BBS2: variants seen among roughly 807,000 people sequenced by gnomAD.
BBS2 encodes the protein BBSome complex member BBS2.
A neutral mutation model predicts 83.0 loss-of-function variants in BBS2; 62 were observed. That is an observed-to-expected ratio of 0.75 (90% confidence interval 0.61 to 0.92). The LOEUF (loss-of-function observed/expected upper bound fraction) is 0.92. Ranked by LOEUF, BBS2 falls within the 40% of genes least tolerant of loss-of-function variation. BBS2 has a pLI of 0.00. For synonymous variants in BBS2, 303 were observed against 326.1 expected, an observed-to-expected ratio of 0.93 and a Z score of 0.76; for missense variants, 784 against 901.0, an observed-to-expected ratio of 0.87 and a Z score of 1.66.
In BBS2 at chr16:56,514,697, TA is replaced by T; in HGVS notation, c.118-18del. The T allele has an allele frequency of 6.4e-7, 1 of 1,561,260 alleles. No homozygotes were observed. The highest frequency in any genetic ancestry group is 8.8e-7 in the Non-Finnish European group (1 of 1,133,470). Reference sequence around the variant, plus strand: ...AATAAAAACCTGAAACAAAAATAACTAATTACATTCCCTTAAAATATAAAAA... The same window carrying T: ...AATAAAAACCTGAAACAAAAATAACTATTACATTCCCTTAAAATATAAAAA... On this transcript the variant is annotated intron_variant, in intron 1 of 16. Transcript: ENST00000245157.
At chr16:56,498,325 A>G in intron 13 of BBS2, 112 bp downstream of exon 13, 1 of 1,388,908 alleles carries the variant, frequency 7.2e-7, no homozygotes, top group Non-Finnish European at 1.0e-6. Context: ...CTCACTTTGG[A>G]CTGAATGGTA....
At chr16:56,471,044 G>T (rs79573171) in intron 17 of BBS2, among the ~76,000 whole-genome samples, 6,468 of 152,030 alleles carry the variant, frequency 0.043, 213 homozygotes, top group East Asian at 0.16. Context: ...TTGTAATAGG[G>T]TTATATGACA....
rs543003847 is a variant in BBS2, at chr16:56,491,301, C to T, written c.1911-5563G>A. On this transcript the variant is annotated intron_variant, in intron 15 of 16. Coordinates refer to ENST00000245157, the MANE Select transcript of BBS2 (RefSeq NM_031885.5). ...CAGATCCCTCATGAATAGATTAATG[C>T]CATTAATGCCATCTCTCAGGAGTGA... 9.2e-5 allele frequency among the ~76,000 whole-genome samples: 14 copies of T among 152,190 alleles called. No individual in the cohort carries two copies. In the South Asian group the frequency reaches 2.7e-3, roughly 29 times the overall value.
At chr16:56,480,029 A>G (rs1225048099), downstream of BBS2, among the ~76,000 whole-genome samples, 1 of 152,194 alleles carries the variant, frequency 6.6e-6, no homozygotes, top group African/African-American at 2.4e-5. Flanking sequence ...AGACTACTTC[A>G]CTACTTCTTC....
chr16:56,520,020 C>A lies in BBS2; in HGVS notation c.-158G>T, dbSNP rs1438731122. The A allele has an allele frequency of 1.6e-4, 105 of 672,804 alleles. 1 individual carries two copies. Among genetic ancestry groups the A allele is most frequent in the Non-Finnish European group, 3.5e-5 (13 of 371,776 alleles). 41.7% of individuals were successfully genotyped at this position (672,804 alleles called of 1,614,324 possible). A position where few individuals can be genotyped will look rare whatever the true frequency, so the allele number is the denominator to read the frequency against. ...GCCCGGGACGAACCCGTCCAGGTAC[C>A]GCCTGCTCCTCCTGCGGCGGCGCAG... is the stretch of plus-strand genomic sequence containing the variant. On this transcript the variant is annotated 5_prime_UTR_variant, in exon 1 of 17. Coordinates refer to ENST00000245157, the MANE Select transcript of BBS2 (RefSeq NM_031885.5).
chr16:56,470,879 C>A, intron 17 of BBS2: 1 of 1,293,196 alleles, frequency 7.7e-7, no homozygotes, highest in Non-Finnish European at 1.0e-6. Context: ...TATTGAGCAT[C>A]TACTGTGCCC....
downstream of BBS2, among the ~76,000 whole-genome samples, chr16:56,480,369 A>AAAAAAAAAAAAAAAAAAAAAC (rs1963639810): frequency 1.4e-5 from 2 of 145,376 alleles, no homozygotes; most frequent in African/African-American, 5.1e-5. Context: ...AAAAAAACAA[A>AAAAAAAAAAAAAAAAAAAAAC]AAAAAAAACA....
At chr16:56,475,474 C>G (rs775230945) in intron 17 of BBS2, 1 of 1,604,424 alleles carries the variant, frequency 6.2e-7, no homozygotes, top group African/African-American at 1.3e-5. Flanking sequence ...TCAATAGGAG[C>G]TTTCTGAATG....
chr16:56,470,509 A>G, exon 18 of BBS2: 1 of 1,612,440 alleles, frequency 6.2e-7, no homozygotes, highest in Non-Finnish European at 8.5e-7. Flanking sequence ...AGCTGAGGAG[A>G]GTAAGCTTCC....
chr16:56,516,420 G>T (rs998788312), intron 1 of BBS2, among the ~76,000 whole-genome samples: 1 of 152,076 alleles, frequency 6.6e-6, no homozygotes, highest in Admixed American at 6.6e-5. Context: ...TTTTTGAGAC[G>T]GAGTCTTGCT....
At position 56,497,069 on chromosome 16, in the gene BBS2, T is replaced by C. The variant is rs752749569; in HGVS notation, c.1808A>G (p.Tyr603Cys). 3.6e-5 allele frequency: 58 copies of C among 1,610,476 alleles called. No homozygotes were observed. Among genetic ancestry groups the C allele is most frequent in the Non-Finnish European group, 4.8e-5 (56 of 1,176,776 alleles). ...LRKVLVKVDE[Y>C]HSVHQKLSAD... ...ACTGAGCTTCTGATGCACTGAATGATATTCATCCACCTGGAGACCATGAAC... is the reference window on the plus strand; with the variant it reads ...ACTGAGCTTCTGATGCACTGAATGACATTCATCCACCTGGAGACCATGAAC... The change falls in exon 15 of 17, where the codon TAT (tyrosine) becomes TGT (cysteine). Residue 603 changes from tyrosine to cysteine, a missense_variant. Transcript: ENST00000245157.
intron 1 of BBS2, 68 bp from the exon 2 acceptor site, chr16:56,514,748 A>G: frequency 9.5e-6 from 12 of 1,257,122 alleles, no homozygotes; most frequent in Non-Finnish European, 1.2e-5. Context: ...TTTTTTTAAA[A>G]AAGAACCAGG....
intron 1 of BBS2, among the ~76,000 whole-genome samples, chr16:56,517,522 CCTGT>C (rs1479008047): frequency 3.9e-5 from 6 of 152,348 alleles, no homozygotes; most frequent in East Asian, 1.9e-4. Flanking sequence ...CATCTGACCA[CCTGT>C]CTAAGACACC....
At chr16:56,497,423 T>C (rs1264873997) in intron 14 of BBS2, 1 of 491,844 alleles carries the variant, frequency 2.0e-6, no homozygotes, top group Non-Finnish European at 3.7e-6. Context: ...GAATTTGGGT[T>C]TTTGGAAAGA....
At chr16:56,512,528 G>A (rs1436904888) in intron 2 of BBS2, among the ~76,000 whole-genome samples, 2 of 152,080 alleles carry the variant, frequency 1.3e-5, no homozygotes, top group African/African-American at 4.8e-5. Context: ...TACTATTTTT[G>A]TTGCTTAGCA....
intron 1 of BBS2, among the ~76,000 whole-genome samples, chr16:56,515,089 T>C (rs1395077173): frequency 6.6e-6 from 1 of 151,514 alleles, no homozygotes; most frequent in Non-Finnish European, 1.5e-5. Flanking sequence ...TTTATTATCT[T>C]TCATCCAAGC....
At chr16:56,483,591 C>T (rs1271460659), downstream of BBS2, among the ~76,000 whole-genome samples, 10 of 152,154 alleles carry the variant, frequency 6.6e-5, no homozygotes, top group South Asian at 2.1e-3. Flanking sequence ...GTTACAGCAG[C>T]TAACATTAGC....
At chr16:56,502,030 T>C (rs1339851815) in intron 9 of BBS2, 1 of 470,318 alleles carries the variant, frequency 2.1e-6, no homozygotes. Flanking sequence ...CCTTAGCACA[T>C]ACTCCCTACT....
chr16:56,485,584 A>C lies in BBS2; in HGVS notation c.2059+6T>G. 1.9e-6 allele frequency: 3 copies of C among 1,614,034 alleles called. No individual in the cohort carries two copies. The highest frequency in any genetic ancestry group is 2.5e-6 in the Non-Finnish European group (3 of 1,179,948). The stretch of plus-strand genomic sequence containing the variant: ...TCAAAGTGCAGTGTTATGAAAAGAG[A>C]CTTACCCCGCAGACGACCTGCTCTT... On this transcript the variant is annotated splice_donor_region_variant and intron_variant, in intron 16 of 16. Coordinates refer to ENST00000245157, the MANE Select transcript of BBS2 (RefSeq NM_031885.5).
Sources: allele counts gnomAD v4.1 joint callset (sites outside exome capture counted in the v4.1 genomes callset), GRCh38; gene constraint gnomAD v4.1.1; transcripts MANE v1.5; gene names NCBI Gene and HGNC (gene_info 2026-07-23, HGNC 2026-07-21).